Variants in JMY observed in about 807,000 individuals in gnomAD.
JMY encodes the protein junction mediating and regulatory protein, p53 cofactor.
In JMY, 46 loss-of-function variants were observed where a neutral mutation model predicts 103.3. The ratio of observed to expected loss-of-function variants is 0.45; its 90% CI spans 0.35 to 0.57. The LOEUF (loss-of-function observed/expected upper bound fraction) is 0.57. JMY is among the 20% of genes least tolerant of loss of function. The probability of loss-of-function intolerance (pLI) is 0.00; values close to 1 mark genes in which losing one functional copy is unlikely to be tolerated. For synonymous variants in JMY, 526 were observed against 489.3 expected (o/e 1.07, Z -0.99); for missense variants, 1,238 against 1,255.2 (o/e 0.99, Z 0.21).
In JMY at chr5:79,323,058, G is replaced by A. The variant is rs532610277; in HGVS notation, c.*1456G>A. On this transcript the variant is annotated 3_prime_UTR_variant, in exon 11 of 11. Coordinates refer to ENST00000396137, the MANE Select transcript of JMY (RefSeq NM_152405.5). The stretch of plus-strand genomic sequence containing the variant: ...AATTTTCTGGCAACAGGTTATGTAA[G>A]ACAACAACTTTTTTTATTATTTCAA... 44 of 152,232 alleles carry A rather than the reference G, an allele frequency of 2.9e-4. No individual in the cohort carries two copies. The East Asian group carries it at 6.6e-3, about 23-fold the overall frequency. 9.4% of individuals were successfully genotyped at this position (152,232 alleles called of 1,614,324 possible).
At chr5:79,255,248 C>G (rs892058216) in intron 1 of JMY, among the ~76,000 whole-genome samples, 1 of 151,782 alleles carries the variant, frequency 6.6e-6, no homozygotes, top group African/African-American at 2.4e-5. Context: ...AGGCACCCAC[C>G]ACCACGCCTG....
intron 2 of JMY, chr5:79,284,054 T>TTC: frequency 1.0e-6 from 1 of 995,704 alleles, no homozygotes; most frequent in Non-Finnish European, 1.4e-6. Context: ...ATTACTTTCT[T>TTC]TTTTTTATTT....
chr5:79,237,665 A>C lies in JMY; in HGVS notation c.1015A>C (p.Arg339=), dbSNP rs201323258. The C allele has an allele frequency of 1.6e-4, 255 of 1,612,916 alleles. No individual in the cohort carries two copies. Among genetic ancestry groups the C allele is most frequent in the Admixed American group, 7.7e-4 (46 of 59,910 alleles). Residue 339 remains arginine (R), a synonymous_variant, in exon 1 of 11, where the codon AGG becomes CGG. Coordinates refer to ENST00000396137, the MANE Select transcript of JMY (RefSeq NM_152405.5). ...CTACGAAGAAGTGCTTCAGCGGGCC[A>C]GGAAGCGCATCCAGGAGGTGAGTGA... is the stretch of plus-strand genomic sequence containing the variant. ...KGYEEVLQRA[R]KRIQELLDKH...
chr5:79,299,670 T>A (rs892460277), intron 4 of JMY, among the ~76,000 whole-genome samples: 9 of 152,138 alleles, frequency 5.9e-5, no homozygotes, highest in African/African-American at 2.2e-4. Context: ...CTCACCTCAC[T>A]CTATAGTCAG....
chr5:79,295,480 C>T (rs1332957590), intron 4 of JMY, among the ~76,000 whole-genome samples: 1 of 152,150 alleles, frequency 6.6e-6, no homozygotes, highest in East Asian at 1.9e-4. Flanking sequence ...TGCTATAGCA[C>T]TTGACATAGA....
chr5:79,282,227 G>A (rs1463785327), intron 2 of JMY, among the ~76,000 whole-genome samples: 1 of 151,816 alleles, frequency 6.6e-6, no homozygotes, highest in South Asian at 2.1e-4. Context: ...AAAAAAATAA[G>A]AAATTCTAGA....
Position 79,299,056 on chromosome 5 carries a change from A to G in JMY, c.1528-1097A>G, listed in dbSNP as rs139842736. On this transcript the variant is annotated intron_variant, in intron 4 of 10. Transcript: ENST00000396137. The stretch of plus-strand genomic sequence containing the variant: ...CCAGTGATGTCTCACATGAGCTCGT[A>G]AACAATACTCTTAATAATTTTCCCT... 5.9e-5 allele frequency among the ~76,000 whole-genome samples: 9 copies of G among 152,278 alleles called. No homozygotes were observed. The East Asian group carries it at 1.7e-3, about 29-fold the overall frequency.
chr5:79,315,756 C>T (rs544062444), intron 9 of JMY, among the ~76,000 whole-genome samples: 19 of 152,298 alleles, frequency 1.2e-4, no homozygotes, highest in East Asian at 1.2e-3. Flanking sequence ...TCACTTCTCT[C>T]ATGTAGGAAA....
chr5:79,268,989 A>C (rs948526541), intron 1 of JMY, among the ~76,000 whole-genome samples: 2 of 152,176 alleles, frequency 1.3e-5, no homozygotes, highest in South Asian at 2.1e-4. Context: ...TGTCTTTTGC[A>C]GAGCAGAAGT....
Position 79,236,531 on chromosome 5 carries a change from C to A in JMY, c.-120C>A, listed in dbSNP as rs1023205187. 9.8e-6 allele frequency: 7 copies of A among 710,808 alleles called. No homozygotes were observed. In the East Asian group the frequency reaches 1.0e-4, roughly 11 times the overall value. 44.0% of individuals were successfully genotyped at this position (710,808 alleles called of 1,614,324 possible). ...CGAACGAGCCGGGAGAGCCGGCCGG[C>A]GCACTAAGATGGCTGAAGGCGCCCG... On this transcript the variant is annotated 5_prime_UTR_variant, in exon 1 of 11. Coordinates refer to ENST00000396137, the MANE Select transcript of JMY (RefSeq NM_152405.5).
chr5:79,284,712 C>T (rs898243059), intron 2 of JMY: 2 of 1,591,938 alleles, frequency 1.3e-6, no homozygotes, highest in Non-Finnish European at 1.7e-6. Flanking sequence ...CAGCAAGACT[C>T]ACTTCAAACA....
At chr5:79,262,051 TC>T (rs1292070200) in intron 1 of JMY, among the ~76,000 whole-genome samples, 1 of 152,242 alleles carries the variant, frequency 6.6e-6, no homozygotes, top group Non-Finnish European at 1.5e-5. Context: ...TCTTTGTCCT[TC>T]CTTTCTGCTG....
intron 7 of JMY, among the ~76,000 whole-genome samples, chr5:79,311,148 C>CT (rs35187257): frequency 0.021 from 2,674 of 126,130 alleles, 104 homozygotes; most frequent in African/African-American, 0.072. Flanking sequence ...ACCACACCTT[C>CT]TTTTTTTTTT....
In JMY at chr5:79,324,389, T is replaced by A. The variant is rs1432002896; in HGVS notation, c.*2787T>A. On this transcript the variant is annotated 3_prime_UTR_variant, in exon 11 of 11. Coordinates refer to ENST00000396137, the MANE Select transcript of JMY (RefSeq NM_152405.5). Reference sequence around the variant, plus strand: ...GGACACATTTCTGTTAATATATGATTTCTGTATCCACAAACCGCTGTTTGC... The same window carrying A: ...GGACACATTTCTGTTAATATATGATATCTGTATCCACAAACCGCTGTTTGC... 4 of 152,198 alleles carry A rather than the reference T, an allele frequency of 2.6e-5. No individual in the cohort carries two copies. The highest frequency in any genetic ancestry group is 9.7e-5 in the African/African-American group (4 of 41,450). 9.4% of individuals were successfully genotyped at this position (152,198 alleles called of 1,614,324 possible).
chr5:79,270,301 T>A (rs1314410580), intron 1 of JMY, among the ~76,000 whole-genome samples: 2 of 144,808 alleles, frequency 1.4e-5, no homozygotes, highest in Non-Finnish European at 3.0e-5. Context: ...TATATTTACA[T>A]AAATATTTAA....
At chr5:79,276,772 A>G (rs1334615275) in intron 1 of JMY, among the ~76,000 whole-genome samples, 2 of 151,444 alleles carry the variant, frequency 1.3e-5, no homozygotes, top group African/African-American at 4.9e-5. Flanking sequence ...ACACCCAGCT[A>G]ATTTTTGTAT....
intron 1 of JMY, among the ~76,000 whole-genome samples, chr5:79,254,779 A>G (rs750915125): frequency 6.6e-6 from 1 of 150,642 alleles, no homozygotes; most frequent in Non-Finnish European, 1.5e-5. Context: ...TAACTCTTAG[A>G]TTTGCCCTTT....
intron 1 of JMY, among the ~76,000 whole-genome samples, chr5:79,274,387 A>T (rs1230056485): frequency 2.0e-5 from 3 of 151,452 alleles, no homozygotes; most frequent in Non-Finnish European, 4.4e-5. Context: ...TGCTTTTTTT[A>T]AAAATAGTGT....
chr5:79,259,952 G>T (rs1745370434), intron 1 of JMY, among the ~76,000 whole-genome samples: 1 of 152,188 alleles, frequency 6.6e-6, no homozygotes, highest in Non-Finnish European at 1.5e-5. Context: ...ATGGAGCATG[G>T]CATATGCACA....
Sources: gnomAD v4.1 joint callset for allele counts (sites outside exome capture counted in the v4.1 genomes callset) on GRCh38, gnomAD v4.1.1 for gene constraint, MANE v1.5 for transcripts, NCBI Gene and HGNC (gene_info 2026-07-23, HGNC 2026-07-21) for gene names.